Variants in TBC1D5 observed in about 807,000 individuals in gnomAD.
TBC1D5 encodes TBC1 domain family member 5, also known as TBC1 domain family, member 5.
A neutral mutation model predicts 100.3 loss-of-function variants in TBC1D5; 75 were observed. The observed-to-expected ratio is 0.75, with a 90% CI of 0.62 to 0.91. The LOEUF (loss-of-function observed/expected upper bound fraction) is 0.91. Among genes scored for constraint, TBC1D5 ranks in the 40% least tolerant of loss-of-function variants. The probability of loss-of-function intolerance (pLI) is 0.00; values close to 1 mark genes in which losing one functional copy is unlikely to be tolerated. For synonymous variants in TBC1D5, 323 were observed against 325.6 expected (o/e 0.99, Z 0.09); for missense variants, 910 against 942.4 (o/e 0.97, Z 0.45).
At chr3:17,706,084 C>G (rs568666624) in intron 1 of TBC1D5, 1 of 1,603,870 alleles carries the variant, frequency 6.2e-7, no homozygotes, top group Admixed American at 1.7e-5. Context: ...CCAGACTGGG[C>G]GGCGGCCTCC....
intron 8 of TBC1D5, among the ~76,000 whole-genome samples, chr3:17,400,729 G>A (rs2093624127): frequency 6.6e-6 from 1 of 152,084 alleles, no homozygotes; most frequent in Non-Finnish European, 1.5e-5. Context: ...TGCCAGTGTG[G>A]CTAGAATAAA....
chr3:17,648,238 C>G (rs1388733577), intron 1 of TBC1D5, among the ~76,000 whole-genome samples: 1 of 151,954 alleles, frequency 6.6e-6, no homozygotes, highest in Non-Finnish European at 1.5e-5. Flanking sequence ...GTAAAAGACT[C>G]TCTATTCAAT....
At chr3:17,163,492 T>G (rs2066290664) in intron 21 of TBC1D5, among the ~76,000 whole-genome samples, 1 of 152,162 alleles carries the variant, frequency 6.6e-6, no homozygotes, top group African/African-American at 2.4e-5. Flanking sequence ...CCTAGGTCAA[T>G]CCTCTCTTTT....
At chr3:17,252,833 T>C (rs184346460) in intron 16 of TBC1D5, among the ~76,000 whole-genome samples, 81 of 152,324 alleles carry the variant, frequency 5.3e-4, no homozygotes, top group Middle Eastern at 3.4e-3. Context: ...TTCACTGATG[T>C]TCTCTCAATA....
intron 1 of TBC1D5, among the ~76,000 whole-genome samples, chr3:17,723,637 A>G (rs920097931): frequency 6.6e-6 from 1 of 152,238 alleles, no homozygotes; most frequent in South Asian, 2.1e-4. Context: ...TTCAAAACAT[A>G]TATTTAAAAA....
At chr3:17,508,370 A>T in intron 3 of TBC1D5, 104 bp downstream of exon 3, 1 of 864,694 alleles carries the variant, frequency 1.2e-6, no homozygotes, top group Non-Finnish European at 1.9e-6. Flanking sequence ...TGCTCACTTC[A>T]TCAAAATGTG....
At chr3:17,614,013 T>C (rs1467420790) in intron 2 of TBC1D5, among the ~76,000 whole-genome samples, 1 of 152,336 alleles carries the variant, frequency 6.6e-6, no homozygotes, top group East Asian at 1.9e-4. Flanking sequence ...GTTTTTATGG[T>C]TTTCGGTCTA....
At chr3:17,411,205 T>A (rs1452758445) in intron 4 of TBC1D5, among the ~76,000 whole-genome samples, 1 of 48,742 alleles carries the variant, frequency 2.1e-5, no homozygotes, top group African/African-American at 1.1e-4. Flanking sequence ...ATCCTTGGCA[T>A]TTTTTTTTTT....
At chr3:17,180,112 G>T (rs1224745732) in intron 19 of TBC1D5, among the ~76,000 whole-genome samples, 1 of 152,152 alleles carries the variant, frequency 6.6e-6, no homozygotes, top group African/African-American at 2.4e-5. Flanking sequence ...CATAGCAACA[G>T]AAAAATCAAC....
chr3:17,669,948 C>T (rs537818470), intron 1 of TBC1D5, among the ~76,000 whole-genome samples: 156 of 152,272 alleles, frequency 1.0e-3, no homozygotes, highest in African/African-American at 3.1e-3. Context: ...TGCAATGGCG[C>T]GATCTCGGCT....
intron 2 of TBC1D5, among the ~76,000 whole-genome samples, chr3:17,544,492 T>C (rs1576619555): frequency 1.3e-5 from 2 of 151,828 alleles, no homozygotes; most frequent in East Asian, 1.9e-4. Flanking sequence ...CTCTACTAAA[T>C]ATACAAAAAT....
chr3:17,367,129 A>G (rs1352143472), intron 13 of TBC1D5, among the ~76,000 whole-genome samples: 1 of 152,214 alleles, frequency 6.6e-6, no homozygotes, highest in Non-Finnish European at 1.5e-5. Flanking sequence ...AATACAGTAA[A>G]AAGTTTACAG....
chr3:17,229,005 C>G (rs188176023), intron 17 of TBC1D5, among the ~76,000 whole-genome samples: 3 of 151,842 alleles, frequency 2.0e-5, no homozygotes, highest in African/African-American at 4.8e-5. Flanking sequence ...TTACCAAATT[C>G]GATAGGAAAT....
intron 1 of TBC1D5, among the ~76,000 whole-genome samples, chr3:17,656,287 C>G (rs1163045523): frequency 6.6e-6 from 1 of 152,140 alleles, no homozygotes; most frequent in Non-Finnish European, 1.5e-5. Context: ...CCTTCAGAAC[C>G]TGGTTCATTT....
At chr3:17,661,352 T>A (rs1410287666) in intron 1 of TBC1D5, among the ~76,000 whole-genome samples, 5 of 152,140 alleles carry the variant, frequency 3.3e-5, no homozygotes, top group African/African-American at 1.2e-4. Context: ...GAAAATCAAG[T>A]CAAAAAATAA....
chr3:17,658,049 A>G (rs1257263517), intron 1 of TBC1D5, among the ~76,000 whole-genome samples: 1 of 152,230 alleles, frequency 6.6e-6, no homozygotes, highest in African/African-American at 2.4e-5. Context: ...TACAGTATTC[A>G]GTAGAGTAAC....
In TBC1D5 at chr3:17,256,793, G is replaced by T. The variant is rs569160728; in HGVS notation, c.1331+1713C>A. Among the ~76,000 whole-genome samples the T allele has an allele frequency of 6.6e-5, 10 of 152,290 alleles. 1 individual carries two copies. In the South Asian group the frequency reaches 2.1e-3, roughly 32 times the overall value. On this transcript the variant is annotated intron_variant, in intron 16 of 21. Coordinates refer to ENST00000253692, the Ensembl canonical transcript of TBC1D5. The stretch of plus-strand genomic sequence containing the variant: ...AATGAATTATATAACTTCAGTTCAT[G>T]ATGATGGGATAGAGTGAATAGGGGA...
chr3:17,554,913 G>C (rs1378853746), intron 2 of TBC1D5, among the ~76,000 whole-genome samples: 1 of 151,168 alleles, frequency 6.6e-6, no homozygotes, highest in South Asian at 2.1e-4. Context: ...GCAGTGGCGC[G>C]ATCTTGGCTC....
intron 1 of TBC1D5, among the ~76,000 whole-genome samples, chr3:17,679,615 A>G (rs535703138): frequency 6.6e-6 from 1 of 151,624 alleles, no homozygotes; most frequent in East Asian, 1.9e-4. Flanking sequence ...TCAACTAAAT[A>G]TCTACTTAGA....
Sources: allele counts gnomAD v4.1 joint callset (sites outside exome capture counted in the v4.1 genomes callset), GRCh38; gene constraint gnomAD v4.1.1; transcripts MANE v1.5; gene names NCBI Gene and HGNC (gene_info 2026-07-23, HGNC 2026-07-21).